RBMS1: variants seen among roughly 807,000 people sequenced by gnomAD.
The protein encoded by RBMS1 is RNA-binding motif, single-stranded-interacting protein 1.
RBMS1 carries 17 observed loss-of-function variants against 62.3 expected under a neutral mutation model. The observed-to-expected ratio is 0.27, with a 90% CI of 0.19 to 0.41. RBMS1 has a LOEUF of 0.41. RBMS1 is among the 10% of genes least tolerant of loss of function. RBMS1 has a pLI of 1.00. For missense variants in RBMS1, 334 were observed against 504.5 expected (o/e 0.66, Z 3.24); for synonymous variants, 172 against 170.0 (o/e 1.01, Z -0.09).
chr2:160,407,818 A>C (rs1438044217), intron 1 of RBMS1: 3 of 980,948 alleles, frequency 3.1e-6, no homozygotes, highest in Admixed American at 6.3e-5. Flanking sequence ...TCGCGCGCGG[A>C]GCTGGCGGCG....
At chr2:160,487,117 A>G (rs1393192253) in intron 1 of RBMS1, among the ~76,000 whole-genome samples, 1 of 152,258 alleles carries the variant, frequency 6.6e-6, no homozygotes, top group East Asian at 1.9e-4. Flanking sequence ...TTAAAATTCT[A>G]AGTACTCTTA....
chr2:160,311,238 A>ATCTATATATCTATATATCTATATATC (rs1287458681), intron 4 of RBMS1, among the ~76,000 whole-genome samples: 2 of 119,246 alleles, frequency 1.7e-5, no homozygotes, highest in Admixed American at 8.7e-5. Flanking sequence ...CTATCTATAT[A>ATCTATATATCTATATATCTATATATC]TATATATATA....
chr2:160,391,067 A>G (rs1694843153), intron 1 of RBMS1, among the ~76,000 whole-genome samples: 1 of 151,688 alleles, frequency 6.6e-6, no homozygotes, highest in Non-Finnish European at 1.5e-5. Flanking sequence ...CTCTGGTACC[A>G]CATTGTTATG....
chr2:160,450,567 A>AAAAAAAAAAAAAAAAAAAAAAAAGAAT (rs1683932624), intron 1 of RBMS1, among the ~76,000 whole-genome samples: 1 of 149,310 alleles, frequency 6.7e-6, no homozygotes, highest in Non-Finnish European at 1.5e-5. Context: ...AAAAAATGAA[A>AAAAAAAAAAAAAAAAAAAAAAAAGAAT]AAAAAAAAAA....
At chr2:160,370,462 G>A (rs1302194844) in intron 1 of RBMS1, among the ~76,000 whole-genome samples, 5 of 152,234 alleles carry the variant, frequency 3.3e-5, no homozygotes, top group East Asian at 1.9e-4. Context: ...GTGAAACCCC[G>A]TCTCTACTAA....
intron 1 of RBMS1, among the ~76,000 whole-genome samples, chr2:160,420,149 C>T (rs1317987691): frequency 1.3e-5 from 2 of 152,156 alleles, no homozygotes; most frequent in African/African-American, 4.8e-5. Flanking sequence ...TTGGCTGTAT[C>T]ACTCTACTTC....
chr2:160,324,901 TATATATAC>T (rs758257474), intron 2 of RBMS1, among the ~76,000 whole-genome samples: 48 of 118,774 alleles, frequency 4.0e-4, no homozygotes, highest in African/African-American at 1.3e-3. Flanking sequence ...TATATATATA[TATATATAC>T]ACACACACAC....
At chr2:160,476,161 G>A (rs915002829) in intron 1 of RBMS1, among the ~76,000 whole-genome samples, 1 of 151,822 alleles carries the variant, frequency 6.6e-6, no homozygotes, top group African/African-American at 2.4e-5. Context: ...CCTGTCCACC[G>A]CCTCCCTTTT....
In RBMS1 at chr2:160,390,275, T is replaced by C. The variant is rs962724973; in HGVS notation, c.76-22884A>G. Among the ~76,000 whole-genome samples, 16 of 152,078 alleles carry C rather than the reference T, an allele frequency of 1.1e-4. 1 individual carries two copies. The highest frequency in any genetic ancestry group is 1.8e-4 in the Non-Finnish European group (12 of 67,996). On this transcript the variant is annotated intron_variant, in intron 1 of 13. Transcript: ENST00000348849. ...AAAGAGATCATCTGCCTGGAAGAGGTAGACCTTGAATTTCAACTTAAAGAA... is the reference window on the plus strand; with the variant it reads ...AAAGAGATCATCTGCCTGGAAGAGGCAGACCTTGAATTTCAACTTAAAGAA...
intron 1 of RBMS1, among the ~76,000 whole-genome samples, chr2:160,471,655 A>T (rs1684915077): frequency 7.9e-6 from 1 of 127,244 alleles, no homozygotes; most frequent in Non-Finnish European, 1.7e-5. Context: ...CATTTCCAAA[A>T]GTAGAGACAA....
In RBMS1 at chr2:160,282,153, TAAC is replaced by T; in HGVS notation, c.901-792_901-790del. 7 of 1,098,486 alleles carry T rather than the reference TAAC, an allele frequency of 6.4e-6. No individual in the cohort carries two copies. In the South Asian group the frequency reaches 8.7e-5, roughly 14 times the overall value. 68.0% of individuals were successfully genotyped at this position (1,098,486 alleles called of 1,614,324 possible). On this transcript the variant is annotated intron_variant, in intron 9 of 13. Coordinates refer to ENST00000348849, the MANE Select transcript of RBMS1 (RefSeq NM_016836.4). ...TTATTAAGTTTCAGTTTCCAATTCTTAACAACAAAACCCTCCTGCATTTTATCC... is the reference window on the plus strand; with the variant it reads ...TTATTAAGTTTCAGTTTCCAATTCTTAACAAAACCCTCCTGCATTTTATCC...
At chr2:160,308,532 G>A (rs1689677552) in intron 4 of RBMS1, among the ~76,000 whole-genome samples, 1 of 152,164 alleles carries the variant, frequency 6.6e-6, no homozygotes, top group African/African-American at 2.4e-5. Context: ...CTATGGTATA[G>A]AACAATAAAC....
At chr2:160,493,075 T>G in intron 1 of RBMS1, 2 of 516,452 alleles carry the variant, frequency 3.9e-6, no homozygotes, top group East Asian at 3.4e-5. Context: ...CCCCGCGGCT[T>G]TCTGTAACCC....
chr2:160,277,530 T>A (rs1687900809), intron 11 of RBMS1, 147 bp from the exon 12 acceptor site: 1 of 488,422 alleles, frequency 2.0e-6, no homozygotes, highest in African/African-American at 1.9e-5. Flanking sequence ...AAATAGTGCA[T>A]ATAAATATGT....
chr2:160,320,796 T>C (rs1307299353), intron 2 of RBMS1, among the ~76,000 whole-genome samples: 1 of 152,080 alleles, frequency 6.6e-6, no homozygotes, highest in Non-Finnish European at 1.5e-5. Flanking sequence ...CCTTTTCTTT[T>C]AACAAACTAC....
At chr2:160,380,821 C>A (rs1032368365) in intron 1 of RBMS1, among the ~76,000 whole-genome samples, 26 of 152,182 alleles carry the variant, frequency 1.7e-4, no homozygotes, top group Non-Finnish European at 3.7e-4. Flanking sequence ...TGGCAGGGAA[C>A]GGTGGCAGCC....
intron 5 of RBMS1, among the ~76,000 whole-genome samples, chr2:160,301,021 T>C (rs1166752647): frequency 1.3e-5 from 2 of 152,218 alleles, no homozygotes; most frequent in Non-Finnish European, 2.9e-5. Context: ...TGTTGTAAAA[T>C]TGAAAAATCA....
At chr2:160,493,043 C>T in intron 1 of RBMS1, 1 of 449,080 alleles carries the variant, frequency 2.2e-6, no homozygotes, top group Non-Finnish European at 3.9e-6. Context: ...GGGCTGGTGG[C>T]TCTTTCCTGT....
intron 4 of RBMS1, among the ~76,000 whole-genome samples, chr2:160,305,070 GT>G (rs1689429200): frequency 6.6e-6 from 1 of 152,178 alleles, no homozygotes; most frequent in African/African-American, 2.4e-5. Flanking sequence ...GGCCAGGATG[GT>G]CTCGATCTCT....
Sources: allele counts gnomAD v4.1 joint callset (sites outside exome capture counted in the v4.1 genomes callset), GRCh38; gene constraint gnomAD v4.1.1; transcripts MANE v1.5; gene names NCBI Gene and HGNC (gene_info 2026-07-23, HGNC 2026-07-21).